ZFPM2: variants seen among roughly 807,000 people sequenced by gnomAD.
The protein encoded by ZFPM2 is zinc finger protein, FOG family member 2, also known as zinc finger protein ZFPM2.
Under a neutral mutation model 98.6 loss-of-function variants are expected in ZFPM2, and 20 were observed. The ratio of observed to expected loss-of-function variants is 0.20; its 90% CI spans 0.14 to 0.29. The LOEUF is 0.29. ZFPM2 is among the 10% of genes least tolerant of loss of function. The pLI is 1.00. For missense variants in ZFPM2, 1,310 were observed against 1,388.6 expected, an observed-to-expected ratio of 0.94 and a Z score of 0.90; for synonymous variants, 518 against 502.7, an observed-to-expected ratio of 1.03 and a Z score of -0.41.
At chr8:105,724,581 A>C (rs867019174) in intron 5 of ZFPM2, among the ~76,000 whole-genome samples, 2 of 151,912 alleles carry the variant, frequency 1.3e-5, no homozygotes, top group Non-Finnish European at 1.5e-5. Flanking sequence ...CATTTTAAGC[A>C]GATACTACCA....
chr8:105,695,680 G>A (rs1811002662), intron 5 of ZFPM2, among the ~76,000 whole-genome samples: 1 of 152,082 alleles, frequency 6.6e-6, no homozygotes, highest in Admixed American at 6.5e-5. Flanking sequence ...AAAGAAAGGT[G>A]CTTAAGATAT....
intron 1 of ZFPM2, among the ~76,000 whole-genome samples, chr8:105,336,781 A>T (rs759751454): frequency 2.6e-5 from 4 of 151,450 alleles, no homozygotes; most frequent in Non-Finnish European, 5.9e-5. Flanking sequence ...CACATTATAG[A>T]TGTAGATATA....
At chr8:105,515,544 C>T (rs1444938143) in intron 3 of ZFPM2, among the ~76,000 whole-genome samples, 1 of 152,136 alleles carries the variant, frequency 6.6e-6, no homozygotes, top group Non-Finnish European at 1.5e-5. Context: ...AGGCCAAGAT[C>T]TTTAGTGTCT....
intron 5 of ZFPM2, among the ~76,000 whole-genome samples, chr8:105,679,741 G>T (rs1264311521): frequency 6.0e-5 from 9 of 149,944 alleles, no homozygotes; most frequent in Admixed American, 6.0e-4. Flanking sequence ...AGGCTACAGT[G>T]AGCTATAAGC....
At position 105,691,231 on chromosome 8, in the gene ZFPM2, CTTTTTTT is replaced by C. The variant is rs869164122; in HGVS notation, c.532+56896_532+56902del. Among the ~76,000 whole-genome samples the C allele has an allele frequency of 1.6e-4, 11 of 67,966 alleles. 1 individual carries two copies. The highest frequency in any genetic ancestry group is 5.5e-4 in the African/African-American group (7 of 12,638). 44.6% of individuals were successfully genotyped at this position (67,966 alleles called of 152,430 possible). On this transcript the variant is annotated intron_variant, in intron 5 of 7. Coordinates refer to ENST00000407775, the MANE Select transcript of ZFPM2 (RefSeq NM_012082.4). ...CTCAAGCGCCCTGTTCCCAAAGAGA[CTTTTTTT>C]TTTTTTTTTTTTTTTTTTTTTGAGA...
At chr8:105,645,270 C>A (rs1269289101) in intron 5 of ZFPM2, among the ~76,000 whole-genome samples, 1 of 152,144 alleles carries the variant, frequency 6.6e-6, no homozygotes, top group African/African-American at 2.4e-5. Context: ...TTTAACTTTG[C>A]TCCTTTCACA....
In ZFPM2 at chr8:105,693,827, A is replaced by G. The variant is rs368440504; in HGVS notation, c.532+59470A>G. 5.3e-5 allele frequency among the ~76,000 whole-genome samples: 8 copies of G among 152,222 alleles called. No homozygotes were observed. The East Asian group carries it at 1.5e-3, about 29-fold the overall frequency. On this transcript the variant is annotated intron_variant, in intron 5 of 7. Coordinates refer to ENST00000407775, the MANE Select transcript of ZFPM2 (RefSeq NM_012082.4). ...GTACATGTGATATCTCTCTGTAGTCATACAATGGGTAATGATCAAATCAGC... is the reference window on the plus strand; with the variant it reads ...GTACATGTGATATCTCTCTGTAGTCGTACAATGGGTAATGATCAAATCAGC...
chr8:105,444,157 A>G, intron 2 of ZFPM2, 123 bp from the exon 3 acceptor site: 1 of 714,908 alleles, frequency 1.4e-6, no homozygotes, highest in South Asian at 1.8e-5. Flanking sequence ...TATTAGTGTA[A>G]TGACAATATG....
chr8:105,668,810 T>G (rs1337595576), intron 5 of ZFPM2, among the ~76,000 whole-genome samples: 1 of 152,186 alleles, frequency 6.6e-6, no homozygotes, highest in Admixed American at 6.5e-5. Flanking sequence ...TTACTTTAGT[T>G]TCTCAATTAA....
chr8:105,388,914 A>T (rs1394657217), intron 1 of ZFPM2, among the ~76,000 whole-genome samples: 2 of 152,108 alleles, frequency 1.3e-5, no homozygotes, highest in African/African-American at 2.4e-5. Context: ...CTGTAGCAAT[A>T]GTCCAGAGAA....
chr8:105,559,493 G>A (rs1338109086), intron 3 of ZFPM2, among the ~76,000 whole-genome samples: 2 of 152,090 alleles, frequency 1.3e-5, no homozygotes, highest in Non-Finnish European at 2.9e-5. Flanking sequence ...GAGAAGAAGG[G>A]TGAATGAAAG....
intron 5 of ZFPM2, chr8:105,787,376 AT>A (rs1182002593): frequency 1.3e-5 from 2 of 152,190 alleles, no homozygotes; most frequent in African/African-American, 4.8e-5. Context: ...TTTCACACAA[AT>A]TTGGGGTCTG....
chr8:105,722,525 T>A (rs540286342), intron 5 of ZFPM2, among the ~76,000 whole-genome samples: 1 of 152,020 alleles, frequency 6.6e-6, no homozygotes, highest in East Asian at 1.9e-4. Context: ...CATAAATAAT[T>A]GATTAACACA....
Position 105,671,489 on chromosome 8 carries a change from GA to G in ZFPM2, c.532+37140del, listed in dbSNP as rs924865504. ...ATTTTTCATCTGTACATTATCAGAG[GA>G]AAAAAAAGAATTTTTAATTTTCTTT... is the stretch of plus-strand genomic sequence containing the variant. On this transcript the variant is annotated intron_variant, in intron 5 of 7. Transcript: ENST00000407775. Among the ~76,000 whole-genome samples, 52 of 150,920 alleles carry G rather than the reference GA, an allele frequency of 3.4e-4. 1 individual carries two copies. The highest frequency in any genetic ancestry group is 1.3e-3 in the South Asian group (6 of 4,780).
intron 1 of ZFPM2, among the ~76,000 whole-genome samples, chr8:105,358,306 T>A (rs1325505770): frequency 1.3e-5 from 2 of 151,052 alleles, no homozygotes; most frequent in African/African-American, 2.4e-5. Flanking sequence ...CAGGCTGGAG[T>A]GCAGTGGCAT....
intron 5 of ZFPM2, chr8:105,678,617 A>C (rs1390405391): frequency 6.6e-6 from 1 of 152,170 alleles, no homozygotes; most frequent in Non-Finnish European, 1.5e-5. Flanking sequence ...CTGTGTACTA[A>C]GTCTGATAAC....
At chr8:105,456,148 TTTTTTTTGTTTGTTTGTTTG>T (rs1375062748) in intron 3 of ZFPM2, among the ~76,000 whole-genome samples, 1 of 110,960 alleles carries the variant, frequency 9.0e-6, no homozygotes, top group Non-Finnish European at 2.1e-5. Context: ...AGGAAAATGT[TTTTTTTTGTTTGTTTGTTTG>T]TTTTTTTTTT....
chr8:105,527,528 G>T (rs1437683024), intron 3 of ZFPM2, among the ~76,000 whole-genome samples: 2 of 152,348 alleles, frequency 1.3e-5, no homozygotes, highest in African/African-American at 4.8e-5. Context: ...TCATGAAGCA[G>T]AGCTGAACCA....
intron 3 of ZFPM2, among the ~76,000 whole-genome samples, chr8:105,495,394 AT>A (rs751366389): frequency 2.0e-5 from 3 of 152,208 alleles, no homozygotes; most frequent in Non-Finnish European, 2.9e-5. Flanking sequence ...TTACAGTATA[AT>A]TTAAAAAAAA....
Sources: allele counts gnomAD v4.1 joint callset (sites outside exome capture counted in the v4.1 genomes callset), GRCh38; gene constraint gnomAD v4.1.1; transcripts MANE v1.5; gene names NCBI Gene and HGNC (gene_info 2026-07-23, HGNC 2026-07-21).